UBE2V1: variants seen among roughly 807,000 people sequenced by gnomAD.
UBE2V1 encodes ubiquitin conjugating enzyme E2 V1, also known as ubiquitin-conjugating enzyme E2 variant 1.
In UBE2V1, 15 loss-of-function variants were observed where a neutral mutation model predicts 19.6. The observed-to-expected ratio is 0.77, with a 90% confidence interval of 0.51 to 1.18. The LOEUF (loss-of-function observed/expected upper bound fraction) is 1.18. Ranked by LOEUF, UBE2V1 falls within the 50% of genes most tolerant of loss-of-function variation. The pLI, the probability that UBE2V1 is intolerant of heterozygous loss-of-function variation, is 0.00. For missense variants in UBE2V1, 125 were observed against 184.8 expected (o/e 0.68, Z 1.88); for synonymous variants, 60 against 60.7 (o/e 0.99, Z 0.05).
intron 2 of UBE2V1, among the ~76,000 whole-genome samples, chr20:50,091,146 A>C (rs756857183): frequency 4.2e-4 from 64 of 152,124 alleles, no homozygotes; most frequent in Non-Finnish European, 8.2e-4. Flanking sequence ...TCCTGGGTTC[A>C]AGCGATTCTC....
At chr20:50,091,618 C>T (rs2079232944) in intron 2 of UBE2V1, among the ~76,000 whole-genome samples, 1 of 151,942 alleles carries the variant, frequency 6.6e-6, no homozygotes, top group African/African-American at 2.4e-5. Flanking sequence ...GTCTTGAACT[C>T]CTGACCTCAG....
At chr20:50,085,179 C>T (rs572135401) in intron 2 of UBE2V1, among the ~76,000 whole-genome samples, 153 of 152,144 alleles carry the variant, frequency 1.0e-3, no homozygotes, top group African/African-American at 3.6e-3. Flanking sequence ...CATGAGCCAC[C>T]GTACCCAGCC....
intron 1 of UBE2V1, among the ~76,000 whole-genome samples, chr20:50,103,550 C>T (rs1281371609): frequency 2.0e-5 from 3 of 152,036 alleles, no homozygotes; most frequent in East Asian, 1.9e-4. Context: ...GGATTACAGG[C>T]GCCTGCCACC....
chr20:50,093,815 C>A (rs569699654), intron 2 of UBE2V1, among the ~76,000 whole-genome samples: 1 of 151,106 alleles, frequency 6.6e-6, no homozygotes, highest in East Asian at 1.9e-4. Flanking sequence ...GATGGTGAAA[C>A]CCCGTCTCTA....
intron 1 of UBE2V1, chr20:50,098,796 G>T: frequency 2.3e-6 from 1 of 440,274 alleles, no homozygotes; most frequent in Non-Finnish European, 3.0e-6. Flanking sequence ...ATAAATGTAA[G>T]CAAAAGAGTC....
chr20:50,110,645 T>A (rs1478530013), intron 1 of UBE2V1, among the ~76,000 whole-genome samples: 1 of 152,228 alleles, frequency 6.6e-6, no homozygotes, highest in South Asian at 2.1e-4. Context: ...GATCTTATCA[T>A]ACTCCTCTTT....
At chr20:50,087,877 C>T (rs2079011687) in intron 2 of UBE2V1, among the ~76,000 whole-genome samples, 1 of 152,142 alleles carries the variant, frequency 6.6e-6, no homozygotes, top group Non-Finnish European at 1.5e-5. Context: ...CTTGGGCACA[C>T]ACACACATAC....
At chr20:50,105,816 G>C (rs1052347548) in intron 1 of UBE2V1, among the ~76,000 whole-genome samples, 1 of 152,168 alleles carries the variant, frequency 6.6e-6, no homozygotes, top group Non-Finnish European at 1.5e-5. Flanking sequence ...TGCAATCCCA[G>C]CTAATTGGGA....
intron 1 of UBE2V1, chr20:50,111,669 AG>A: frequency 1.2e-6 from 1 of 832,786 alleles, no homozygotes; most frequent in Non-Finnish European, 1.5e-6. Flanking sequence ...CACTTCAGTC[AG>A]ATCCCCCACA....
In UBE2V1 at chr20:50,082,893, C is replaced by G; in HGVS notation, c.319G>C (p.Val107Leu). 6.2e-7 allele frequency: 1 copy of G among 1,609,684 alleles called. No homozygotes were observed. The highest frequency in any genetic ancestry group is 8.5e-7 in the Non-Finnish European group (1 of 1,179,822). Residue 107 changes from valine (V) to leucine (L), a missense_variant, in exon 4 of 4, where the codon GTG (valine) becomes CTG (leucine). By Grantham distance (32) the Val-to-Leu change is conservative. Around this residue, in one of 3 missense-constraint regions of UBE2V1, gnomAD observed 78 missense variants for 108.8 expected, o/e 0.72. Coordinates refer to ENST00000371674, the MANE Select transcript of UBE2V1 (RefSeq NM_001032288.3). ...NGVVDPRAIS[V>L]LAKWQNSYSI... ...TATGAATTCTGCCATTTTGCTAGCACTGATATGGCTCTTGGGTCCACCTAC... is the reference window on the plus strand; with the variant it reads ...TATGAATTCTGCCATTTTGCTAGCAGTGATATGGCTCTTGGGTCCACCTAC...
At chr20:50,105,631 G>C (rs1273737920) in intron 1 of UBE2V1, among the ~76,000 whole-genome samples, 1 of 152,180 alleles carries the variant, frequency 6.6e-6, no homozygotes, top group Non-Finnish European at 1.5e-5. Context: ...ACAGCATCAA[G>C]TGACAATATG....
chr20:50,096,536 T>A, intron 2 of UBE2V1, 136 bp downstream of exon 2: 1 of 1,581,592 alleles, frequency 6.3e-7, no homozygotes, highest in Non-Finnish European at 8.6e-7. Context: ...AAACTGAAAC[T>A]GGTCAAAAAA....
intron 1 of UBE2V1, among the ~76,000 whole-genome samples, chr20:50,098,703 G>A (rs1304752743): frequency 2.0e-5 from 3 of 152,308 alleles, no homozygotes; most frequent in Non-Finnish European, 2.9e-5. Flanking sequence ...TTACAGTCAC[G>A]TATTTATGTT....
chr20:50,085,438 C>T (rs2078856955), intron 2 of UBE2V1, among the ~76,000 whole-genome samples: 1 of 152,122 alleles, frequency 6.6e-6, no homozygotes, highest in African/African-American at 2.4e-5. Context: ...ACACTGCTAT[C>T]ACATGTGTCT....
chr20:50,083,405 G>T (rs1378236866), intron 3 of UBE2V1, among the ~76,000 whole-genome samples: 1 of 152,220 alleles, frequency 6.6e-6, no homozygotes, highest in Non-Finnish European at 1.5e-5. Flanking sequence ...CCAAAGCACA[G>T]GTTGAGCTCT....
chr20:50,113,082 G>A, intron 1 of UBE2V1, 25 bp downstream of exon 1: 2 of 1,166,204 alleles, frequency 1.7e-6, no homozygotes, highest in Admixed American at 3.5e-5. Flanking sequence ...CCCCTCGGCC[G>A]GCCGGGCCCG....
intron 1 of UBE2V1, chr20:50,109,223 T>C (rs1023944482): frequency 3.0e-5 from 24 of 808,032 alleles, no homozygotes; most frequent in Non-Finnish European, 3.4e-5. Context: ...CTTTGCCAAA[T>C]GTGCTGCTCT....
chr20:50,105,159 GTA>G (rs1475003916), intron 1 of UBE2V1, among the ~76,000 whole-genome samples: 1 of 152,152 alleles, frequency 6.6e-6, no homozygotes, highest in Non-Finnish European at 1.5e-5. Flanking sequence ...GTTTCATAAA[GTA>G]TGTATGAAAG....
intron 1 of UBE2V1, among the ~76,000 whole-genome samples, chr20:50,110,540 A>G (rs2080686336): frequency 6.6e-6 from 1 of 152,218 alleles, no homozygotes; most frequent in South Asian, 2.1e-4. Context: ...GTTAGAAAGC[A>G]GAGAGGCCTG....
Sources: allele counts gnomAD v4.1 joint callset (sites outside exome capture counted in the v4.1 genomes callset), GRCh38; gene constraint gnomAD v4.1.1; regional missense constraint gnomAD v4.1.1; transcripts MANE v1.5; gene names NCBI Gene and HGNC (gene_info 2026-07-23, HGNC 2026-07-21).